The following TARP variants were observed in gnomAD, a reference collection of about 807,000 sequenced individuals.
At chr7:38,263,195 A>C in the TARP span, among the ~76,000 whole-genome samples, 1 of 151,954 alleles carries the variant, frequency 6.6e-6, no homozygotes, top group Non-Finnish European at 1.5e-5. Context: ...GTCAGGCACT[A>C]TGTTAAATGC....
At chr7:38,267,657 A>C in the TARP span, among the ~76,000 whole-genome samples, 2 of 151,028 alleles carry the variant, frequency 1.3e-5, no homozygotes, top group African/African-American at 4.9e-5. Flanking sequence ...TAGTGCAAAT[A>C]GTATTTTACT....
At chr7:38,263,048 G>T in the TARP span, among the ~76,000 whole-genome samples, 1 of 151,468 alleles carries the variant, frequency 6.6e-6, no homozygotes, top group Non-Finnish European at 1.5e-5. Context: ...AGCAAAAAAA[G>T]CAGTCATTCT....
chr7:38,270,268 A>G, the TARP span, among the ~76,000 whole-genome samples: 1 of 151,892 alleles, frequency 6.6e-6, no homozygotes, highest in South Asian at 2.1e-4. Flanking sequence ...TGGCAGTTAA[A>G]TCCATAGCAA....
chr7:38,270,935 T>C, the TARP span, among the ~76,000 whole-genome samples: 2 of 151,410 alleles, frequency 1.3e-5, no homozygotes, highest in Admixed American at 1.3e-4. Flanking sequence ...GAAAAAAATA[T>C]GATATTTGAA....
chr7:38,267,019 A>G, the TARP span, among the ~76,000 whole-genome samples: 1 of 151,868 alleles, frequency 6.6e-6, no homozygotes, highest in Non-Finnish European at 1.5e-5. Flanking sequence ...AGAATGACTA[A>G]GAATGCACCA....
chr7:38,269,495 GACA>G, the TARP span: 1 of 722,092 alleles, frequency 1.4e-6, no homozygotes, highest in Admixed American at 2.0e-5. Flanking sequence ...ACTTACCTGT[GACA>G]ACAAGTGTTG....
the TARP span, among the ~76,000 whole-genome samples, chr7:38,264,941 T>G: frequency 0.083 from 12,641 of 151,478 alleles, 675 homozygotes; most frequent in East Asian, 0.15. Context: ...CTCTCCTGCT[T>G]GGGCAGAACA....
chr7:38,261,884 A>G, the TARP span, among the ~76,000 whole-genome samples: 1 of 150,660 alleles, frequency 6.6e-6, no homozygotes, highest in Non-Finnish European at 1.5e-5. Context: ...AAAAAAAAAA[A>G]AAGAAAAGAA....
At chr7:38,262,336 A>G in the TARP span, 1 of 744,200 alleles carries the variant, frequency 1.3e-6, no homozygotes, top group Non-Finnish European at 2.3e-6. Context: ...ATATGAGCCC[A>G]CAATTCCAGA....
At chr7:38,259,929 C>T in the TARP span, 2 of 677,602 alleles carry the variant, frequency 3.0e-6, no homozygotes, top group Non-Finnish European at 4.8e-6. Context: ...CTCTGTGTGC[C>T]CACTGGTTTG....
chr7:38,273,035 C>G, the TARP span, among the ~76,000 whole-genome samples: 2 of 150,378 alleles, frequency 1.3e-5, no homozygotes, highest in Non-Finnish European at 3.0e-5. Flanking sequence ...GATGTTTTCT[C>G]TCATCCAGGC....
At chr7:38,272,463 G>A in the TARP span, among the ~76,000 whole-genome samples, 1 of 143,016 alleles carries the variant, frequency 7.0e-6, no homozygotes, top group African/African-American at 2.6e-5. Flanking sequence ...TTATGAAGCA[G>A]TGTGAAGTGA....
chr7:38,264,643 T>C, the TARP span, among the ~76,000 whole-genome samples: 1 of 151,490 alleles, frequency 6.6e-6, no homozygotes, highest in Non-Finnish European at 1.5e-5. Context: ...GAAAACACAT[T>C]ATAAAACTGT....
chr7:38,266,890 T>C, the TARP span, among the ~76,000 whole-genome samples: 1 of 151,926 alleles, frequency 6.6e-6, no homozygotes, highest in East Asian at 1.9e-4. Flanking sequence ...TTTTCTTGAT[T>C]ATTTTCAGAA....
the TARP span, among the ~76,000 whole-genome samples, chr7:38,272,997 A>G: frequency 1.3e-5 from 2 of 151,164 alleles, no homozygotes; most frequent in African/African-American, 4.9e-5. Context: ...ATTTCAGTGG[A>G]TCTAACAGAC....
At chr7:38,267,263 T>G in the TARP span, among the ~76,000 whole-genome samples, 2 of 151,810 alleles carry the variant, frequency 1.3e-5, no homozygotes, top group African/African-American at 2.4e-5. Context: ...CTTATAGGGA[T>G]AGGGTCAAGA....
At chr7:38,263,914 C>T in the TARP span, among the ~76,000 whole-genome samples, 1 of 151,912 alleles carries the variant, frequency 6.6e-6, no homozygotes, top group Non-Finnish European at 1.5e-5. Flanking sequence ...TCTTTAAGGG[C>T]TGACTTTAAT....
chr7:38,269,389 T>G, the TARP span: 1 of 645,400 alleles, frequency 1.5e-6, no homozygotes, highest in Non-Finnish European at 2.8e-6. Flanking sequence ...CAAATCCCCA[T>G]CCAATTCCTC....
At chr7:38,265,541 G>A in the TARP span, 22 of 1,611,044 alleles carry the variant, frequency 1.4e-5, no homozygotes, top group Non-Finnish European at 1.8e-5. Context: ...TTCTTTTCTT[G>A]CCAATGTATC....
Sources: gnomAD v4.1 joint callset for allele counts (sites outside exome capture counted in the v4.1 genomes callset) on GRCh38, gnomAD v4.1.1 for gene constraint, MANE v1.5 for transcripts.